VPS53: variants seen among roughly 807,000 people sequenced by gnomAD.
VPS53 encodes VPS53 subunit of GARP complex.
In VPS53, 70 loss-of-function variants were observed where a neutral mutation model predicts 107.0. The observed-to-expected ratio is 0.65, with a 90% CI of 0.54 to 0.80. The LOEUF (loss-of-function observed/expected upper bound fraction) is 0.80, where lower values mean the gene tolerates loss of function less well. Ranked by LOEUF, VPS53 falls within the 30% of genes least tolerant of loss-of-function variation. VPS53 has a pLI of 0.00. For synonymous variants in VPS53, 409 were observed against 393.3 expected (o/e 1.04, Z -0.47); for missense variants, 917 against 1,049.4 (o/e 0.87, Z 1.74).
chr17:602,474 G>A (rs73277165), intron 11 of VPS53, among the ~76,000 whole-genome samples: 1,685 of 152,308 alleles, frequency 0.011, 27 homozygotes, highest in African/African-American at 0.034. Context: ...TCCCAAGTAA[G>A]CCCCATTACA....
chr17:586,180 G>C, intron 13 of VPS53, 90 bp downstream of exon 13: 1 of 1,183,550 alleles, frequency 8.4e-7, no homozygotes, highest in Non-Finnish European at 1.3e-6. Flanking sequence ...CCATCTTTCA[G>C]CCCCGGAAGG....
chr17:599,351 C>T (rs1968204297), intron 12 of VPS53, among the ~76,000 whole-genome samples: 1 of 152,142 alleles, frequency 6.6e-6, no homozygotes, highest in African/African-American at 2.4e-5. Context: ...CGGATGGTTG[C>T]CGTGTCTGTG....
At chr17:545,613 G>C (rs1911119701) in intron 17 of VPS53, among the ~76,000 whole-genome samples, 1 of 152,214 alleles carries the variant, frequency 6.6e-6, no homozygotes, top group Non-Finnish European at 1.5e-5. Flanking sequence ...AAGTGTGTTT[G>C]TGGTCCTTTG....
At chr17:609,783 G>A (rs1755452362) in intron 11 of VPS53, among the ~76,000 whole-genome samples, 1 of 152,130 alleles carries the variant, frequency 6.6e-6, no homozygotes, top group African/African-American at 2.4e-5. Flanking sequence ...ACAGCGAAGA[G>A]GAGAGAAGAG....
At chr17:530,026 C>CAAAAAAAAAAAA (rs539003592) in intron 19 of VPS53, among the ~76,000 whole-genome samples, 1 of 140,684 alleles carries the variant, frequency 7.1e-6, no homozygotes. Context: ...GGCAATACAG[C>CAAAAAAAAAAAA]AAAAAAAAAA....
intron 2 of VPS53, among the ~76,000 whole-genome samples, chr17:702,442 T>C (rs1973238259): frequency 6.6e-6 from 1 of 151,584 alleles, no homozygotes; most frequent in African/African-American, 2.4e-5. Flanking sequence ...GGTGGGCGGA[T>C]CACAAGGTCA....
At chr17:708,073 C>A (rs527675903) in intron 2 of VPS53, among the ~76,000 whole-genome samples, 7 of 152,080 alleles carry the variant, frequency 4.6e-5, no homozygotes, top group African/African-American at 9.7e-5. Context: ...TCCAGCCCTA[C>A]GGGGCCTTGT....
intron 17 of VPS53, among the ~76,000 whole-genome samples, chr17:542,271 C>G (rs1243106236): frequency 6.6e-6 from 1 of 152,178 alleles, no homozygotes; most frequent in Non-Finnish European, 1.5e-5. Flanking sequence ...TTGAGGACAG[C>G]GAGTGACCTG....
chr17:667,313 T>TC (rs397797448), intron 4 of VPS53, among the ~76,000 whole-genome samples: 3 of 151,778 alleles, frequency 2.0e-5, no homozygotes, highest in Non-Finnish European at 2.9e-5. Flanking sequence ...ACTTTTTTTT[T>TC]CAAGAAGTTT....
intron 5 of VPS53, chr17:657,503 T>C: frequency 6.7e-7 from 1 of 1,486,994 alleles, no homozygotes; most frequent in Non-Finnish European, 9.4e-7. Context: ...TCCAATGCTT[T>C]GGAGCTGCTA....
chr17:660,547 C>G (rs1213688895), intron 5 of VPS53, among the ~76,000 whole-genome samples: 1 of 152,176 alleles, frequency 6.6e-6, no homozygotes, highest in Non-Finnish European at 1.5e-5. Context: ...TCAATAAATG[C>G]AATCAACTCC....
intron 12 of VPS53, among the ~76,000 whole-genome samples, chr17:590,002 C>T (rs1292387298): frequency 6.6e-6 from 1 of 152,116 alleles, no homozygotes; most frequent in Non-Finnish European, 1.5e-5. Context: ...ATTCTTCCTA[C>T]TCATGAGAAT....
intron 19 of VPS53, among the ~76,000 whole-genome samples, chr17:526,700 G>A (rs573712826): frequency 3.1e-4 from 47 of 152,352 alleles, no homozygotes; most frequent in African/African-American, 1.0e-3. Flanking sequence ...AGTGTGGGCT[G>A]GCTAATGTTG....
rs860799 is a variant in VPS53 at position 590,255 on chromosome 17, T to G, written c.1219-3891A>C. On this transcript the variant is annotated intron_variant, in intron 12 of 21. Transcript: ENST00000437048. The stretch of plus-strand genomic sequence containing the variant: ...ATCCTGAGACTTTGCTGAAGTTGCT[T>G]ATCAGCTTAAGGAGATTTTGGGCTG... Among the ~76,000 whole-genome samples, 1,357 of 152,312 alleles carry G rather than the reference T, an allele frequency of 8.9e-3. 25 individuals are homozygous for G. Among genetic ancestry groups the G allele is most frequent in the African/African-American group, 0.031 (1,296 of 41,558 alleles).
intron 11 of VPS53, among the ~76,000 whole-genome samples, chr17:618,193 A>T (rs564686847): frequency 1.2e-5 from 1 of 81,000 alleles, no homozygotes; most frequent in Admixed American, 1.2e-4. Flanking sequence ...CTGGGACTAC[A>T]GGCGTGCGCC....
chr17:640,510 C>G (rs755112153), intron 7 of VPS53, among the ~76,000 whole-genome samples: 14 of 152,134 alleles, frequency 9.2e-5, no homozygotes, highest in Non-Finnish European at 1.3e-4. Flanking sequence ...GAGCTGTAGA[C>G]TAGAGCTGTT....
chr17:701,364 T>C (rs1485191964), intron 2 of VPS53, among the ~76,000 whole-genome samples: 4 of 151,662 alleles, frequency 2.6e-5, no homozygotes, highest in Non-Finnish European at 4.4e-5. Context: ...CTTTAATTTA[T>C]ATATAATTAT....
At chr17:632,636 T>C (rs1970010836) in intron 7 of VPS53, 2 of 448,304 alleles carry the variant, frequency 4.5e-6, no homozygotes, top group South Asian at 3.1e-5. Flanking sequence ...TTGTGCCCAG[T>C]AGCCATCCCA....
At chr17:662,259 C>A (rs140162695) in intron 4 of VPS53, among the ~76,000 whole-genome samples, 2,363 of 152,260 alleles carry the variant, frequency 0.016, 24 homozygotes, top group Middle Eastern at 0.031. Context: ...TAAATTGGGG[C>A]AAGGGAAAGC....
Sources: gnomAD v4.1 joint callset for allele counts (sites outside exome capture counted in the v4.1 genomes callset) on GRCh38, gnomAD v4.1.1 for gene constraint, MANE v1.5 for transcripts, NCBI Gene and HGNC (gene_info 2026-07-23, HGNC 2026-07-21) for gene names.